DNAI4: variants seen among roughly 807,000 people sequenced by gnomAD.
DNAI4 encodes WD repeat domain 78.
DNAI4 carries 85 observed loss-of-function variants against 105.8 expected under a neutral mutation model. That is an observed-to-expected ratio of 0.80 (90% confidence interval 0.67 to 0.96). DNAI4 has a LOEUF of 0.96. Ranked by LOEUF, DNAI4 falls within the 40% of genes least tolerant of loss-of-function variation. DNAI4 has a pLI of 0.00. For synonymous variants in DNAI4, 352 were observed against 331.5 expected (o/e 1.06, Z -0.67); for missense variants, 1,014 against 1,005.6 (o/e 1.01, Z -0.11).
Position 66,853,373 on chromosome 1 carries a change from G to C in DNAI4, c.1097-5695C>G, listed in dbSNP as rs188020709. On this transcript the variant is annotated intron_variant, in intron 7 of 16. Transcript: ENST00000371026. ...GTGTTGACCATTAGGTTTTATCATG[G>C]TCAGCAGCTGTAGGGTATATTGAGT... is the stretch of plus-strand genomic sequence containing the variant. Among the ~76,000 whole-genome samples, 17 of 152,340 alleles carry C rather than the reference G, an allele frequency of 1.1e-4. No individual in the cohort carries two copies. The East Asian group carries it at 2.7e-3, about 24-fold the overall frequency.
In DNAI4 at chr1:66,840,506, A is replaced by G. The variant is rs773412603; in HGVS notation, c.1457T>C (p.Leu486Pro). Residue 486 changes from leucine to proline, a missense_variant, in exon 9 of 17, where the codon CTC becomes CCC. By Grantham distance (98) the Leu-to-Pro change is moderately conservative. Transcript: ENST00000371026. ...WSFSCDLTKG[L>P]NVSSLAWNKT... ...ATTCCAGGCAAGGCTGCTCACATTGAGGCCTTTGGTTAAGTCACAGGAAAA... is the reference window on the plus strand; with the variant it reads ...ATTCCAGGCAAGGCTGCTCACATTGGGGCCTTTGGTTAAGTCACAGGAAAA... The G allele has an allele frequency of 1.2e-6, 2 of 1,614,202 alleles. No individual in the cohort carries two copies. The highest frequency in any genetic ancestry group is 1.7e-6 in the Non-Finnish European group (2 of 1,180,030).
intron 5 of DNAI4, among the ~76,000 whole-genome samples, chr1:66,872,856 G>T (rs2100665927): frequency 6.6e-6 from 1 of 151,956 alleles, no homozygotes; most frequent in Non-Finnish European, 1.5e-5. Flanking sequence ...GGGATTACAG[G>T]TGCCCACCAC....
chr1:66,835,661 T>C lies in DNAI4; in HGVS notation c.1698A>G (p.Val566=). Residue 566 remains valine, a synonymous_variant, in exon 11 of 17, where the codon GTA becomes GTG. Transcript: ENST00000371026. ...YHNGTIAIYN[V]RSNSNVPVLD... ...GAACTGGAACATTACTGTTGCTCCG[T>C]ACATTGTAAATTGCAATTGTGCCAT... 1 of 1,614,184 alleles carries C rather than the reference T, an allele frequency of 6.2e-7. No individual in the cohort carries two copies. Among genetic ancestry groups the C allele is most frequent in the Non-Finnish European group, 8.5e-7 (1 of 1,180,002 alleles).
chr1:66,872,027 T>A (rs1646857554), intron 5 of DNAI4, among the ~76,000 whole-genome samples: 2 of 152,164 alleles, frequency 1.3e-5, no homozygotes, highest in Admixed American at 6.5e-5. Flanking sequence ...ATGTGTTCTC[T>A]AATTGTTGAG....
chr1:66,893,067 A>AAGAAAGAAAGAAAGAAAGAAAAAG (rs1647928078), intron 3 of DNAI4, among the ~76,000 whole-genome samples, 162 bp downstream of exon 3: 1 of 94,548 alleles, frequency 1.1e-5, no homozygotes, highest in African/African-American at 4.2e-5. Flanking sequence ...GAGAGAGAGA[A>AAGAAAGAAAGAAAGAAAGAAAAAG]AGAAAGAAAG....
At chr1:66,833,022 G>T (rs997685211) in intron 13 of DNAI4, among the ~76,000 whole-genome samples, 3 of 151,994 alleles carry the variant, frequency 2.0e-5, no homozygotes, top group Non-Finnish European at 2.9e-5. Context: ...GTGGCCAAGG[G>T]GGGCAGGGAG....
chr1:66,837,660 A>T lies in DNAI4; in HGVS notation c.1581+50T>A, dbSNP rs1646056483. The T allele has an allele frequency of 2.0e-6, 3 of 1,530,854 alleles. No individual in the cohort carries two copies. In the African/African-American group the frequency reaches 4.2e-5, roughly 21 times the overall value. 94.8% of individuals were successfully genotyped at this position (1,530,854 alleles called of 1,614,324 possible). A position where few individuals can be genotyped will look rare whatever the true frequency, so the allele number is the denominator to read the frequency against. On this transcript the variant is annotated intron_variant, in intron 10 of 16. Transcript: ENST00000371026. Reference sequence around the variant, plus strand: ...TACATGTAATTATATATTTTATGAGAATTTTGTCAACAGCCAGATAAAAAT... The same window carrying T: ...TACATGTAATTATATATTTTATGAGTATTTTGTCAACAGCCAGATAAAAAT...
At chr1:66,905,857 T>A (rs1247706669) in intron 1 of DNAI4, among the ~76,000 whole-genome samples, 1 of 152,168 alleles carries the variant, frequency 6.6e-6, no homozygotes, top group Non-Finnish European at 1.5e-5. Context: ...CATAGGCAGA[T>A]TTAAACATGA....
At chr1:66,871,996 C>T (rs1046965186) in intron 5 of DNAI4, among the ~76,000 whole-genome samples, 2 of 152,012 alleles carry the variant, frequency 1.3e-5, no homozygotes, top group African/African-American at 4.8e-5. Context: ...TTTATAAATG[C>T]TGCATGTGTG....
At chr1:66,844,096 A>AAC (rs1646216047) in intron 8 of DNAI4, among the ~76,000 whole-genome samples, 1 of 148,694 alleles carries the variant, frequency 6.7e-6, no homozygotes, top group Non-Finnish European at 1.5e-5. Context: ...AAAAAAAAAA[A>AAC]AAAAAAAAAA....
chr1:66,896,818 G>A (rs898961832), intron 2 of DNAI4, among the ~76,000 whole-genome samples: 2 of 152,056 alleles, frequency 1.3e-5, no homozygotes, highest in African/African-American at 4.8e-5. Context: ...ATATTCTTTT[G>A]TTTATAAATT....
At chr1:66,893,035 GA>G in intron 3 of DNAI4, among the ~76,000 whole-genome samples, 193 bp downstream of exon 3, 1 of 77,218 alleles carries the variant, frequency 1.3e-5, no homozygotes, top group African/African-American at 6.4e-5. Context: ...AGAAAGAGAG[GA>G]AAGAAAGAAA....
chr1:66,875,457 T>A (rs917643684), intron 4 of DNAI4, among the ~76,000 whole-genome samples: 6 of 152,140 alleles, frequency 3.9e-5, no homozygotes, highest in Non-Finnish European at 8.8e-5. Flanking sequence ...CCTGGTTGAC[T>A]ATAGAAATAA....
Position 66,862,167 on chromosome 1 carries a change from G to T in DNAI4, c.1076C>A (p.Pro359Gln). The part of the protein sequence containing the change: ...VLPKDQDQRL[P>Q]GSTTEKNSET... ...CTTACTTTTTTCTGTAGTGCTCCCT[G>T]GCAATCTTTGGTCCTGATCTTTAGG... The change falls in exon 7 of 17, where the codon CCA becomes CAA. Residue 359 changes from proline to glutamine, a missense_variant. By Grantham distance (76) the Pro-to-Gln change is moderately conservative. Transcript: ENST00000371026. The T allele has an allele frequency of 6.3e-7, 1 of 1,583,688 alleles. No homozygotes were observed. Among genetic ancestry groups the T allele is most frequent in the Non-Finnish European group, 8.5e-7 (1 of 1,169,948 alleles).
chr1:66,844,033 C>T (rs796926205), intron 8 of DNAI4, among the ~76,000 whole-genome samples: 5 of 127,520 alleles, frequency 3.9e-5, no homozygotes, highest in African/African-American at 1.5e-4. Context: ...GTCTATAATC[C>T]CAGAGTGGGA....
At chr1:66,833,728 T>C (rs746160423) in intron 12 of DNAI4, 22 bp from the exon 13 acceptor site, 12 of 1,605,684 alleles carry the variant, frequency 7.5e-6, no homozygotes, top group Non-Finnish European at 1.0e-5. Flanking sequence ...GAAAAACATA[T>C]ATAACTTGTT....
chr1:66,825,793 C>G (rs1204725685), intron 15 of DNAI4, among the ~76,000 whole-genome samples: 3 of 152,082 alleles, frequency 2.0e-5, no homozygotes, highest in Non-Finnish European at 2.9e-5. Flanking sequence ...CAAACCAGGA[C>G]AAAATTTTAA....
intron 4 of DNAI4, among the ~76,000 whole-genome samples, chr1:66,877,191 C>T (rs1482381040): frequency 2.0e-5 from 3 of 152,160 alleles, no homozygotes; most frequent in Non-Finnish European, 2.9e-5. Context: ...ACAATTACAG[C>T]ATAATTGAGT....
At chr1:66,823,495 C>A (rs1279185127) in intron 15 of DNAI4, among the ~76,000 whole-genome samples, 1 of 148,590 alleles carries the variant, frequency 6.7e-6, no homozygotes, top group Non-Finnish European at 1.5e-5. Flanking sequence ...CTGACTTCCA[C>A]AATGGTTGAA....
Sources: allele counts gnomAD v4.1 joint callset (sites outside exome capture counted in the v4.1 genomes callset), GRCh38; gene constraint gnomAD v4.1.1; transcripts MANE v1.5; gene names NCBI Gene and HGNC (gene_info 2026-07-23, HGNC 2026-07-21).